Variants in PACRG observed in about 807,000 individuals in gnomAD.
The protein encoded by PACRG is parkin coregulated, also known as parkin coregulated gene protein.
In PACRG, 29 loss-of-function variants were observed where a neutral mutation model predicts 29.7. That is an observed-to-expected ratio of 0.98 (90% confidence interval 0.73 to 1.33). The LOEUF is 1.33. PACRG is among the 40% of genes most tolerant of loss of function. PACRG has a pLI of 0.00. For missense variants in PACRG, 279 were observed against 316.2 expected, an observed-to-expected ratio of 0.88 and a Z score of 0.89; for synonymous variants, 116 against 118.7, an observed-to-expected ratio of 0.98 and a Z score of 0.15.
At chr6:162,887,434 T>G (rs1159695152) in intron 2 of PACRG, among the ~76,000 whole-genome samples, 1 of 152,146 alleles carries the variant, frequency 6.6e-6, no homozygotes, top group Admixed American at 6.5e-5. Flanking sequence ...AAATTAATAG[T>G]GGGTACAGCT....
intron 2 of PACRG, among the ~76,000 whole-genome samples, chr6:162,891,785 G>A (rs1055640167): frequency 6.6e-6 from 1 of 152,142 alleles, no homozygotes; most frequent in African/African-American, 2.4e-5. Context: ...CAAGCCCACA[G>A]TGTGGACCTG....
intron 2 of PACRG, among the ~76,000 whole-genome samples, chr6:162,924,887 T>G (rs1797320010): frequency 6.6e-6 from 1 of 152,032 alleles, no homozygotes; most frequent in African/African-American, 2.4e-5. Context: ...GCTGGGTTTT[T>G]GAAAATAATT....
At chr6:163,295,534 T>C (rs1464872974) in intron 4 of PACRG, among the ~76,000 whole-genome samples, 1 of 152,234 alleles carries the variant, frequency 6.6e-6, no homozygotes, top group Non-Finnish European at 1.5e-5. Flanking sequence ...ATGAACTCCT[T>C]GAATTGATCT....
chr6:163,015,505 A>G (rs1416758282), intron 2 of PACRG, among the ~76,000 whole-genome samples: 2 of 152,042 alleles, frequency 1.3e-5, no homozygotes, highest in African/African-American at 4.8e-5. Context: ...TTTTTCATTC[A>G]TTTGTGTCAT....
intron 4 of PACRG, among the ~76,000 whole-genome samples, chr6:163,248,473 T>C (rs1782778902): frequency 6.6e-6 from 1 of 151,180 alleles, no homozygotes; most frequent in Non-Finnish European, 1.5e-5. Flanking sequence ...CATTCCTCAA[T>C]TATTCTAATA....
At chr6:162,936,264 C>A (rs1206080338) in intron 2 of PACRG, among the ~76,000 whole-genome samples, 1 of 152,146 alleles carries the variant, frequency 6.6e-6, no homozygotes, top group Non-Finnish European at 1.5e-5. Context: ...ATGGGAGCTA[C>A]AATTCAAGAT....
intron 1 of PACRG, among the ~76,000 whole-genome samples, chr6:162,807,281 T>C (rs567944138): frequency 3.3e-4 from 50 of 152,340 alleles, no homozygotes; most frequent in Non-Finnish European, 5.6e-4. Context: ...GATAGCACTT[T>C]TTATTTCCTT....
chr6:163,187,856 A>G (rs1333077512), intron 4 of PACRG: 2 of 152,360 alleles, frequency 1.3e-5, no homozygotes, highest in African/African-American at 4.8e-5. Flanking sequence ...TGCGCCTGTC[A>G]TCACGTGAAG....
chr6:162,872,173 A>T (rs894088059), intron 2 of PACRG, among the ~76,000 whole-genome samples: 3 of 152,192 alleles, frequency 2.0e-5, no homozygotes, highest in Non-Finnish European at 4.4e-5. Flanking sequence ...GATTTTAAGG[A>T]GGTGGACTCA....
intron 4 of PACRG, among the ~76,000 whole-genome samples, chr6:163,250,594 T>C (rs2128172016): frequency 6.6e-6 from 1 of 152,340 alleles, no homozygotes; most frequent in African/African-American, 2.4e-5. Flanking sequence ...CTTTACCAAT[T>C]TGGATGCCCT....
intron 1 of PACRG, among the ~76,000 whole-genome samples, chr6:162,732,803 T>C (rs1191492951): frequency 2.0e-5 from 3 of 152,162 alleles, no homozygotes; most frequent in African/African-American, 7.2e-5. Context: ...AATGTTCTGC[T>C]CCTATCACTA....
chr6:163,253,736 C>T (rs1382214873), intron 4 of PACRG, among the ~76,000 whole-genome samples: 6 of 152,218 alleles, frequency 3.9e-5, no homozygotes, highest in Non-Finnish European at 8.8e-5. Flanking sequence ...GATTAAGCCA[C>T]ACAAAACTAT....
At chr6:163,288,017 C>A (rs1784457121) in intron 4 of PACRG, among the ~76,000 whole-genome samples, 1 of 152,140 alleles carries the variant, frequency 6.6e-6, no homozygotes, top group African/African-American at 2.4e-5. Context: ...TTTCTTTTCC[C>A]CACAGAATTT....
chr6:162,804,032 A>C (rs1786105191), intron 1 of PACRG, among the ~76,000 whole-genome samples: 1 of 152,192 alleles, frequency 6.6e-6, no homozygotes, highest in African/African-American at 2.4e-5. Context: ...TTTTGATAGA[A>C]ATGGCAACAT....
In PACRG at chr6:163,242,212, C is replaced by T. The variant is rs111870035; in HGVS notation, c.614-72615C>T. Among the ~76,000 whole-genome samples, 564 of 152,270 alleles carry T rather than the reference C, an allele frequency of 3.7e-3. 1 individual carries two copies. Among genetic ancestry groups the T allele is most frequent in the Non-Finnish European group, 6.1e-3 (417 of 68,022 alleles). ...CTCTTGCCCTATGGACCTACTGAGT[C>T]GAAATTCCATTTTCCGTCTCCTCAC... On this transcript the variant is annotated intron_variant, in intron 4 of 4. Transcript: ENST00000366888.
At chr6:163,049,852 T>C (rs186672243) in intron 2 of PACRG, among the ~76,000 whole-genome samples, 68 of 152,198 alleles carry the variant, frequency 4.5e-4, no homozygotes, top group African/African-American at 1.4e-3. Context: ...TTTGGTACCA[T>C]CTCTGTGAAG....
chr6:162,833,314 T>A (rs36113249), intron 2 of PACRG, among the ~76,000 whole-genome samples: 11,702 of 152,214 alleles, frequency 0.077, 724 homozygotes, highest in South Asian at 0.23. Flanking sequence ...GCTGTTAAGA[T>A]GACTTCAGTT....
rs554671783 is a variant in PACRG, at chr6:163,181,739, A to G, written c.613+92331A>G. Among the ~76,000 whole-genome samples, 5 of 151,930 alleles carry G rather than the reference A, an allele frequency of 3.3e-5. 1 individual carries two copies. The highest frequency in any genetic ancestry group is 1.3e-4 in the Admixed American group (2 of 15,240). ...CAGTAGTTTGGGGTTTTTTCTCATC[A>G]TTAACCACTTAGTTACTATAAATGT... is the stretch of plus-strand genomic sequence containing the variant. On this transcript the variant is annotated intron_variant, in intron 4 of 4. Coordinates refer to ENST00000366888, the MANE Select transcript of PACRG (RefSeq NM_001080379.2).
chr6:163,245,085 AAACTCTGC>A, intron 4 of PACRG: 2 of 450,252 alleles, frequency 4.4e-6, no homozygotes, highest in South Asian at 1.6e-5. Context: ...TTCCCAGACT[AAACTCTGC>A]AACAAATAAT....
Sources: gnomAD v4.1 joint callset for allele counts (sites outside exome capture counted in the v4.1 genomes callset) on GRCh38, gnomAD v4.1.1 for gene constraint, MANE v1.5 for transcripts, NCBI Gene and HGNC (gene_info 2026-07-23, HGNC 2026-07-21) for gene names.